Variants in SOX6 observed in about 807,000 individuals in gnomAD.
SOX6 encodes transcription factor SOX-6.
SOX6 carries 11 observed loss-of-function variants against 97.8 expected under a neutral mutation model. The ratio of observed to expected loss-of-function variants is 0.11; its 90% CI spans 0.07 to 0.19. SOX6 has a LOEUF of 0.19. Among genes scored for constraint, SOX6 ranks in the 10% least tolerant of loss-of-function variants. The pLI is 1.00. For missense variants in SOX6, 810 were observed against 1,039.5 expected (o/e 0.78, Z 3.04); for synonymous variants, 360 against 371.4 (o/e 0.97, Z 0.35).
intron 6 of SOX6, among the ~76,000 whole-genome samples, chr11:16,115,967 T>C (rs981819059): frequency 2.0e-5 from 3 of 152,194 alleles, no homozygotes; most frequent in Admixed American, 6.5e-5. Flanking sequence ...TGTAGTTTGT[T>C]ACAATACATT....
At position 16,096,002 on chromosome 11, in the gene SOX6, C is replaced by A; in HGVS notation, c.1095G>T (p.Gln365His). 6.2e-7 allele frequency: 1 copy of A among 1,606,674 alleles called. No individual in the cohort carries two copies. Among genetic ancestry groups the A allele is most frequent in the South Asian group, 1.1e-5 (1 of 90,972 alleles). ...HGGGHSYNHK[Q>H]IEQLYAAQLA... ...TCAATGGAAGCATTCATACCTCAAT[C>A]TGTTTGTGGTTGTAAGAGTGGCCAC... Residue 365 changes from glutamine (Q) to histidine (H), a missense_variant, in exon 9 of 16, where the codon CAG becomes CAT. Physicochemically the swap from Gln to His is conservative, Grantham distance 24. Coordinates refer to ENST00000683767, the MANE Select transcript of SOX6 (RefSeq NM_001367873.1).
intron 12 of SOX6, among the ~76,000 whole-genome samples, chr11:16,030,431 G>A (rs988324021): frequency 1.3e-5 from 2 of 152,118 alleles, no homozygotes; most frequent in African/African-American, 4.8e-5. Flanking sequence ...TGCCTTCTGT[G>A]TAAGCTGATT....
chr11:16,583,618 T>TATATATATATATACACACACACACAC (rs1565186408), intron 4 of SOX6, among the ~76,000 whole-genome samples: 9 of 126,012 alleles, frequency 7.1e-5, no homozygotes, highest in African/African-American at 2.4e-4. Context: ...TATATACATA[T>TATATATATATATACACACACACACAC]ATATATATAT....
In SOX6 at chr11:16,352,211, A is replaced by G. The variant is rs111446213; in HGVS notation, c.-5+3883T>C. 2.8e-3 allele frequency among the ~76,000 whole-genome samples: 425 copies of G among 152,108 alleles called. 2 individuals carry two copies. The highest frequency in any genetic ancestry group is 8.6e-3 in the African/African-American group (359 of 41,542). On this transcript the variant is annotated intron_variant, in intron 1 of 15. Coordinates refer to ENST00000683767, the MANE Select transcript of SOX6 (RefSeq NM_001367873.1). ...ATAATCAATTTATGTTGTCAGAAACATAAAAAAAGATGGATAAATGAATGA... is the reference window on the plus strand; with the variant it reads ...ATAATCAATTTATGTTGTCAGAAACGTAAAAAAAGATGGATAAATGAATGA...
intron 12 of SOX6, among the ~76,000 whole-genome samples, chr11:16,024,170 C>T (rs1040668344): frequency 2.0e-5 from 3 of 152,128 alleles, no homozygotes; most frequent in Non-Finnish European, 4.4e-5. Context: ...TGTGAGGACA[C>T]ATCAAGACAG....
intron 4 of SOX6, among the ~76,000 whole-genome samples, chr11:16,523,849 A>G (rs1308759470): frequency 6.6e-6 from 1 of 152,212 alleles, no homozygotes; most frequent in Admixed American, 6.5e-5. Flanking sequence ...AGAATACTAC[A>G]AACACCTCTA....
At chr11:16,629,041 G>A (rs948890088) in intron 3 of SOX6, among the ~76,000 whole-genome samples, 2 of 152,148 alleles carry the variant, frequency 1.3e-5, no homozygotes, top group African/African-American at 4.8e-5. Context: ...TATAATCTGT[G>A]AAAAGAGTTT....
intron 6 of SOX6, among the ~76,000 whole-genome samples, chr11:16,128,989 T>G (rs1849673048): frequency 6.6e-6 from 1 of 151,448 alleles, no homozygotes; most frequent in Non-Finnish European, 1.5e-5. Context: ...GCCTCCTGAG[T>G]AGCTGGGATT....
At chr11:16,000,661 AG>A (rs1444567621) in intron 13 of SOX6, among the ~76,000 whole-genome samples, 1 of 152,158 alleles carries the variant, frequency 6.6e-6, no homozygotes, top group Non-Finnish European at 1.5e-5. Context: ...CAACTGTTGA[AG>A]CTATCTACAT....
At chr11:16,323,846 T>C (rs910740072) in intron 2 of SOX6, among the ~76,000 whole-genome samples, 3 of 152,044 alleles carry the variant, frequency 2.0e-5, no homozygotes, top group Non-Finnish European at 2.9e-5. Flanking sequence ...AAATTAAATA[T>C]GTGGACTGAC....
chr11:16,496,692 G>A (rs1245671932), intron 4 of SOX6, among the ~76,000 whole-genome samples: 1 of 152,192 alleles, frequency 6.6e-6, no homozygotes, highest in Admixed American at 6.5e-5. Flanking sequence ...GGATCAGAGG[G>A]TCCTACGCCC....
chr11:16,208,632 A>T (rs1244955757), intron 4 of SOX6, among the ~76,000 whole-genome samples: 1 of 152,230 alleles, frequency 6.6e-6, no homozygotes, highest in Non-Finnish European at 1.5e-5. Context: ...CTTGAAGGAA[A>T]ACAACTAACT....
At chr11:16,517,872 C>T (rs1183031671) in intron 4 of SOX6, among the ~76,000 whole-genome samples, 1 of 152,118 alleles carries the variant, frequency 6.6e-6, no homozygotes, top group Admixed American at 6.5e-5. Context: ...ATTATTTATG[C>T]CATTTCCAAA....
At chr11:16,012,039 C>A (rs189909907) in intron 13 of SOX6, among the ~76,000 whole-genome samples, 1 of 151,870 alleles carries the variant, frequency 6.6e-6, no homozygotes. Context: ...TGCTGCCCAT[C>A]GTTTGTTTTA....
intron 4 of SOX6, among the ~76,000 whole-genome samples, chr11:16,566,022 G>T (rs1330708328): frequency 6.6e-6 from 1 of 151,378 alleles, no homozygotes. Context: ...CGTGAACCCA[G>T]GAGGTGGAGC....
At chr11:16,737,784 C>A (rs896695042) in intron 1 of SOX6, among the ~76,000 whole-genome samples, 5 of 152,026 alleles carry the variant, frequency 3.3e-5, no homozygotes, top group African/African-American at 1.2e-4. Flanking sequence ...AGTGGTGAAA[C>A]TTCTTGGAAT....
intron 4 of SOX6, among the ~76,000 whole-genome samples, chr11:16,530,381 AT>A (rs1210753561): frequency 6.6e-6 from 1 of 152,034 alleles, no homozygotes; most frequent in Non-Finnish European, 1.5e-5. Context: ...AATAAAAGCA[AT>A]TTTTTCTTTA....
At chr11:16,276,662 C>T (rs1382266384) in intron 3 of SOX6, among the ~76,000 whole-genome samples, 1 of 152,208 alleles carries the variant, frequency 6.6e-6, no homozygotes, top group East Asian at 1.9e-4. Context: ...AGAGGATTTG[C>T]AGGAATGCAA....
At chr11:16,228,710 G>A (rs912803646) in intron 4 of SOX6, among the ~76,000 whole-genome samples, 5 of 152,082 alleles carry the variant, frequency 3.3e-5, no homozygotes. Context: ...TGATGCATAT[G>A]TTAATTTGCT....
Sources: gnomAD v4.1 joint callset for allele counts (sites outside exome capture counted in the v4.1 genomes callset) on GRCh38, gnomAD v4.1.1 for gene constraint, MANE v1.5 for transcripts, NCBI Gene and HGNC (gene_info 2026-07-23, HGNC 2026-07-21) for gene names.